The following INSR variants were observed in gnomAD, a reference collection of about 807,000 sequenced individuals.
INSR encodes the protein IR.
In INSR, 67 loss-of-function variants were observed where a neutral mutation model predicts 142.6. That is an observed-to-expected ratio of 0.47 (90% CI 0.39 to 0.58). The LOEUF (loss-of-function observed/expected upper bound fraction) is 0.58. Among genes scored for constraint, INSR ranks in the 20% least tolerant of loss-of-function variants. The pLI, the probability that INSR is intolerant of heterozygous loss-of-function variation, is 0.00. For missense variants in INSR, 1,248 were observed against 1,833.2 expected (o/e 0.68, Z 5.83); for synonymous variants, 756 against 743.1 (o/e 1.02, Z -0.28).
Position 7,199,840 on chromosome 19 carries a change from C to T in INSR, c.653-15203G>A, listed in dbSNP as rs534794983. ...CCCAGTATGCACGAGACACATACGC[C>T]CCGTGAAGGGAAAGATGTGTCTGTC... is the stretch of plus-strand genomic sequence containing the variant. On this transcript the variant is annotated intron_variant, in intron 2 of 21. Transcript: ENST00000302850. Among the ~76,000 whole-genome samples, 5 of 73,372 alleles carry T rather than the reference C, an allele frequency of 6.8e-5. No homozygotes were observed. In the South Asian group the frequency reaches 1.5e-3, roughly 23 times the overall value. 48.1% of individuals were successfully genotyped at this position (73,372 alleles called of 152,430 possible). A position where few individuals can be genotyped will look rare whatever the true frequency, so the allele number is the denominator to read the frequency against.
chr19:7,115,989 C>A lies in INSR; in HGVS notation c.*1067G>T, dbSNP rs141647996. 52 of 152,096 alleles carry A rather than the reference C, an allele frequency of 3.4e-4. No homozygotes were observed. Among genetic ancestry groups the A allele is most frequent in the African/African-American group, 1.2e-3 (50 of 41,466 alleles). The allele number at this position is 152,096 out of a possible 1,614,324, so 9.4% of individuals were successfully genotyped here. ...TCATGTCCCCACTCCCCGCCAACCC[C>A]GGGGAATAGTCAATAACTTATGAGG... On this transcript the variant is annotated 3_prime_UTR_variant, in exon 22 of 22. Coordinates refer to ENST00000302850, the MANE Select transcript of INSR (RefSeq NM_000208.4).
intron 2 of INSR, among the ~76,000 whole-genome samples, chr19:7,196,912 G>T (rs895069931): frequency 6.6e-6 from 1 of 152,132 alleles, no homozygotes; most frequent in African/African-American, 2.4e-5. Flanking sequence ...CTATAAGTGT[G>T]AGTTTTATAA....
chr19:7,119,889 C>CACACACAT lies in INSR; in HGVS notation c.3660-314_3660-307dup, dbSNP rs1972445463. Among the ~76,000 whole-genome samples the CACACACAT allele has an allele frequency of 1.3e-5, 2 of 151,764 alleles. No homozygotes were observed. The highest frequency in any genetic ancestry group is 4.2e-4 in the South Asian group (2 of 4,810). On this transcript the variant is annotated intron_variant, in intron 20 of 21. Coordinates refer to ENST00000302850, the MANE Select transcript of INSR (RefSeq NM_000208.4). This position sits in a 1 kb window ranked among gnomAD's most constrained non-coding sequence, Gnocchi z 5.2. Reference sequence around the variant, plus strand: ...GCAAACACACACAAACACACATATGCACACACATACACACACAAACACACA... The same window carrying CACACACAT: ...GCAAACACACACAAACACACATATGCACACACATACACACATACACACACAAACACACA...
chr19:7,175,500 G>A (rs1327161306), intron 3 of INSR, among the ~76,000 whole-genome samples: 3 of 152,088 alleles, frequency 2.0e-5, no homozygotes, highest in Admixed American at 6.6e-5. Flanking sequence ...CTCCACTCAC[G>A]AGCTGCCAGT....
intron 9 of INSR, among the ~76,000 whole-genome samples, chr19:7,158,943 G>GC (rs112250941): frequency 0.1 from 15,832 of 151,900 alleles, 2,233 homozygotes; most frequent in East Asian, 0.31. Flanking sequence ...TTGCTCTGTT[G>GC]CCAGGCTGGA....
At chr19:7,273,208 T>A (rs193066472) in intron 1 of INSR, among the ~76,000 whole-genome samples, 2 of 152,300 alleles carry the variant, frequency 1.3e-5, no homozygotes, top group African/African-American at 4.8e-5. Context: ...TAGGGAACAA[T>A]CAAGAATTGC....
intron 2 of INSR, among the ~76,000 whole-genome samples, chr19:7,214,270 A>G (rs1975364119): frequency 6.6e-6 from 1 of 152,160 alleles, no homozygotes; most frequent in South Asian, 2.1e-4. Flanking sequence ...GTTTCTTCAC[A>G]CGTCCTCCCA....
intron 1 of INSR, among the ~76,000 whole-genome samples, 167 bp downstream of exon 1, chr19:7,293,625 C>A: frequency 6.6e-6 from 1 of 152,180 alleles, no homozygotes; most frequent in East Asian, 1.9e-4. Flanking sequence ...AGGCCAAGGT[C>A]AGAGGCTTCC....
chr19:7,274,438 T>C (rs1462006774), intron 1 of INSR, among the ~76,000 whole-genome samples: 1 of 151,458 alleles, frequency 6.6e-6, no homozygotes. Context: ...CCATGACGCC[T>C]ACGAGATGTG....
At chr19:7,233,820 C>T (rs1168114358) in intron 2 of INSR, among the ~76,000 whole-genome samples, 2 of 151,676 alleles carry the variant, frequency 1.3e-5, no homozygotes, top group African/African-American at 2.4e-5. Flanking sequence ...GGACTACAGG[C>T]GCCCGCCACC....
chr19:7,146,434 G>A (rs1480063315), intron 11 of INSR, among the ~76,000 whole-genome samples: 1 of 151,766 alleles, frequency 6.6e-6, no homozygotes, highest in East Asian at 1.9e-4. Flanking sequence ...TAGAGACAGT[G>A]TTTCACCATG....
At chr19:7,135,546 G>C (rs1039901429) in intron 13 of INSR, among the ~76,000 whole-genome samples, 1 of 150,660 alleles carries the variant, frequency 6.6e-6, no homozygotes, top group Non-Finnish European at 1.5e-5. Flanking sequence ...GCATGGTGGC[G>C]GATGGCGGGC....
intron 2 of INSR, among the ~76,000 whole-genome samples, chr19:7,198,305 C>G (rs545605025): frequency 1.3e-5 from 2 of 151,886 alleles, no homozygotes; most frequent in Non-Finnish European, 1.5e-5. Flanking sequence ...GACTGGCGCT[C>G]GGGCAGTGGC....
Position 7,281,451 on chromosome 19 carries a change from G to A in INSR, c.100+12341C>T, listed in dbSNP as rs573226738. On this transcript the variant is annotated intron_variant, in intron 1 of 21. Transcript: ENST00000302850. Reference sequence around the variant, plus strand: ...GTGCTTTGGGAGGCTGAGGCGGGACGATCACTTAAGGTCTTGAGTTCGAGG... The same window carrying A: ...GTGCTTTGGGAGGCTGAGGCGGGACAATCACTTAAGGTCTTGAGTTCGAGG... Among the ~76,000 whole-genome samples, 12 of 152,078 alleles carry A rather than the reference G, an allele frequency of 7.9e-5. No homozygotes were observed. The South Asian group carries it at 1.2e-3, about 16-fold the overall frequency.
chr19:7,114,896 C>A lies in INSR; in HGVS notation c.*2160G>T, dbSNP rs570523460. 16 of 124,220 alleles carry A rather than the reference C, an allele frequency of 1.3e-4. No homozygotes were observed. The highest frequency in any genetic ancestry group is 5.3e-4 in the African/African-American group (16 of 30,356). 7.7% of individuals were successfully genotyped at this position (124,220 alleles called of 1,614,324 possible). A position where few individuals can be genotyped will look rare whatever the true frequency, so the allele number is the denominator to read the frequency against. ...AATTTACTAAGAAGAGAACAAAATA[C>A]CTAGTTCTACGTGTTTTTTTTTTAA... On this transcript the variant is annotated 3_prime_UTR_variant, in exon 22 of 22. Transcript: ENST00000302850.
rs1555742962 is a variant in INSR at position 7,163,948 on chromosome 19, A to AAT, written c.1862-751_1862-750dup. ...ACTAAAAAAAAAAAAAAAAAAAAAAAATTAGCTGGACATGGTGGTGGGCGC... is the reference window on the plus strand; with the variant it reads ...ACTAAAAAAAAAAAAAAAAAAAAAAAATATTAGCTGGACATGGTGGTGGGCGC... On this transcript the variant is annotated intron_variant, in intron 8 of 21. Transcript: ENST00000302850. Among the ~76,000 whole-genome samples the AAT allele has an allele frequency of 2.6e-3, 356 of 136,038 alleles. 31 individuals are homozygous for AAT. Among genetic ancestry groups the AAT allele is most frequent in the African/African-American group, 8.8e-3 (279 of 31,678 alleles). 89.2% of individuals were successfully genotyped at this position (136,038 alleles called of 152,430 possible).
intron 2 of INSR, among the ~76,000 whole-genome samples, chr19:7,208,787 C>T (rs1975190045): frequency 1.3e-5 from 2 of 150,822 alleles, no homozygotes; most frequent in South Asian, 2.1e-4. Flanking sequence ...GGGCGGATCA[C>T]GAGGTCAGGA....
Position 7,184,507 on chromosome 19 carries a change from G to A in INSR, c.783C>T (p.Asp261=), listed in dbSNP as rs891087. ...KCVACRNFYL[D]GRCVETCPPP... ...GCGGGCAGGTCTCCACACACCTGCC[G>A]TCCAGGTAGAAGTTGCGGCAGGCCA... Residue 261 remains aspartate (D), a synonymous_variant, in exon 3 of 22, where the codon GAC becomes GAT. Transcript: ENST00000302850. The A allele has an allele frequency of 0.097, 156,820 of 1,613,664 alleles. 8,822 individuals are homozygous for A. The highest frequency in any genetic ancestry group is 0.2 in the African/African-American group (15,045 of 74,854).
At chr19:7,283,289 C>T (rs1049057472) in intron 1 of INSR, among the ~76,000 whole-genome samples, 2 of 152,144 alleles carry the variant, frequency 1.3e-5, no homozygotes, top group African/African-American at 4.8e-5. Context: ...GGATTCCCCT[C>T]CCTGAAACAT....
Sources: allele counts gnomAD v4.1 joint callset (sites outside exome capture counted in the v4.1 genomes callset), GRCh38; gene constraint gnomAD v4.1.1; non-coding constraint Gnocchi (gnomAD v3.1); transcripts MANE v1.5; gene names NCBI Gene and HGNC (gene_info 2026-07-23, HGNC 2026-07-21).